The following TRPM1 variants were observed in gnomAD, a reference collection of about 807,000 sequenced individuals.
The protein encoded by TRPM1 is TRPM1-203 APA Isoform, Intron 10.
Under a neutral mutation model 149.4 loss-of-function variants are expected in TRPM1, and 113 were observed. The ratio of observed to expected loss-of-function variants is 0.76; its 90% confidence interval spans 0.65 to 0.88. The LOEUF (loss-of-function observed/expected upper bound fraction) is 0.88. Among genes scored for constraint, TRPM1 ranks in the 40% least tolerant of loss-of-function variants. TRPM1 has a pLI of 0.00. For synonymous variants in TRPM1, 741 were observed against 759.5 expected (o/e 0.98, Z 0.40); for missense variants, 1,976 against 2,038.7 (o/e 0.97, Z 0.59).
intron 1 of TRPM1, among the ~76,000 whole-genome samples, chr15:31,082,596 A>G (rs2034890622): frequency 6.6e-6 from 1 of 152,242 alleles, no homozygotes; most frequent in Non-Finnish European, 1.5e-5. Flanking sequence ...TGTAGCCAGG[A>G]CCATGTGTCC....
At chr15:31,091,803 C>T (rs190052918) in intron 1 of TRPM1, among the ~76,000 whole-genome samples, 8 of 152,298 alleles carry the variant, frequency 5.3e-5, no homozygotes, top group Non-Finnish European at 8.8e-5. Flanking sequence ...CACAACTCAG[C>T]TTGTAAAACT....
intron 18 of TRPM1, among the ~76,000 whole-genome samples, chr15:31,038,888 G>C (rs12917026): frequency 0.074 from 11,267 of 151,940 alleles, 603 homozygotes; most frequent in Non-Finnish European, 0.1. Flanking sequence ...ACTAAGAGTT[G>C]CAAGGCTAAT....
chr15:31,081,309 G>A (rs374402868), intron 2 of TRPM1, 44 bp downstream of exon 2: 9 of 1,132,692 alleles, frequency 7.9e-6, no homozygotes, highest in African/African-American at 4.6e-5. Context: ...ACTTTCTCAG[G>A]GGGGGAGGGG....
chr15:31,031,251 C>G, intron 22 of TRPM1, 94 bp from the exon 23 acceptor site: 1 of 1,375,542 alleles, frequency 7.3e-7, no homozygotes, highest in Non-Finnish European at 1.0e-6. Flanking sequence ...AAGCACTTCA[C>G]GAGTGCTTAA....
chr15:31,003,685 CTG>C (rs1330881727), intron 27 of TRPM1, among the ~76,000 whole-genome samples: 1 of 152,092 alleles, frequency 6.6e-6, no homozygotes, highest in East Asian at 1.9e-4. Flanking sequence ...AGAAAATAAA[CTG>C]TTAATAATTA....
At chr15:31,082,538 T>C (rs1567041443) in intron 1 of TRPM1, among the ~76,000 whole-genome samples, 1 of 152,130 alleles carries the variant, frequency 6.6e-6, no homozygotes, top group Non-Finnish European at 1.5e-5. Flanking sequence ...GCAATCCTGG[T>C]CATTATCAAA....
At chr15:31,074,400 A>AT (rs1056394610) in intron 3 of TRPM1, among the ~76,000 whole-genome samples, 7 of 151,854 alleles carry the variant, frequency 4.6e-5, no homozygotes, top group African/African-American at 1.7e-4. Context: ...CAGATTGTAC[A>AT]TTTTTTCTTG....
At chr15:31,113,448 A>C (rs1467798592) in intron 1 of TRPM1, among the ~76,000 whole-genome samples, 1 of 151,228 alleles carries the variant, frequency 6.6e-6, no homozygotes, top group Non-Finnish European at 1.5e-5. Context: ...TTTTTTTCAA[A>C]ATCTCTAAGG....
In TRPM1 at chr15:31,001,756, A is replaced by G. The variant is rs994741087; in HGVS notation, c.*66T>C. 1.3e-6 allele frequency: 2 copies of G among 1,533,416 alleles called. No homozygotes were observed. The highest frequency in any genetic ancestry group is 1.4e-5 in the African/African-American group (1 of 71,702). 95.0% of individuals were successfully genotyped at this position (1,533,416 alleles called of 1,614,324 possible). A position where few individuals can be genotyped will look rare whatever the true frequency, so the allele number is the denominator to read the frequency against. ...GTTTTTAGAAATTGATGATGTTTAG[A>G]TGGCCAAGATGACACCCATTAGTGG... On this transcript the variant is annotated 3_prime_UTR_variant, in exon 28 of 28. Transcript: ENST00000256552.
chr15:31,127,283 C>T (rs2141039594), intron 1 of TRPM1, among the ~76,000 whole-genome samples: 1 of 152,304 alleles, frequency 6.6e-6, no homozygotes, highest in Middle Eastern at 3.4e-3. Context: ...CTTGGGGCCT[C>T]TTGTGGGTAG....
At chr15:31,151,928 T>C (rs2141062639) in intron 1 of TRPM1, among the ~76,000 whole-genome samples, 1 of 152,244 alleles carries the variant, frequency 6.6e-6, no homozygotes, top group East Asian at 1.9e-4. Flanking sequence ...CCGCTAAAAG[T>C]AGAGGATACA....
intron 1 of TRPM1, among the ~76,000 whole-genome samples, chr15:31,140,999 T>G (rs554833783): frequency 1.3e-5 from 2 of 151,886 alleles, no homozygotes; most frequent in South Asian, 2.1e-4. Flanking sequence ...TTTTTTTTTT[T>G]TTTTGTATTT....
At chr15:31,125,119 A>G (rs1451354725) in intron 1 of TRPM1, among the ~76,000 whole-genome samples, 1 of 152,184 alleles carries the variant, frequency 6.6e-6, no homozygotes, top group East Asian at 1.9e-4. Flanking sequence ...AGGAGGTTGC[A>G]GTGAACCAAG....
intron 1 of TRPM1, among the ~76,000 whole-genome samples, chr15:31,090,598 C>T (rs2035209020): frequency 6.6e-6 from 1 of 151,606 alleles, no homozygotes; most frequent in Non-Finnish European, 1.5e-5. Flanking sequence ...GATTGTGCCA[C>T]TGCACTCTAG....
chr15:31,030,709 A>G (rs1407617365), intron 23 of TRPM1, among the ~76,000 whole-genome samples: 2 of 152,184 alleles, frequency 1.3e-5, no homozygotes, highest in African/African-American at 4.8e-5. Context: ...AAACTAGGCT[A>G]TTGGCATTAG....
rs1401164628 is a variant in TRPM1, at chr15:31,037,825, A to G, written c.2457T>C (p.Ala819=). ...TCTCCTCATCCCCCTTTCTTGAGCC[A>G]GCATCTGCATTTGCATCCTGGAAAA... The part of the protein sequence containing the change: ...EEENTDANAD[A]GSRKGDEENE... Residue 819 remains alanine, a synonymous_variant, in exon 20 of 28, where the codon GCT becomes GCC. Coordinates refer to ENST00000256552, the MANE Select transcript of TRPM1 (RefSeq NM_001252024.2). The G allele has an allele frequency of 6.2e-7, 1 of 1,614,076 alleles. No homozygotes were observed. The highest frequency in any genetic ancestry group is 8.5e-7 in the Non-Finnish European group (1 of 1,180,028).
intron 4 of TRPM1, 160 bp downstream of exon 4, chr15:31,069,871 G>T (rs535119279): frequency 3.8e-6 from 6 of 1,586,388 alleles, no homozygotes; most frequent in Non-Finnish European, 3.4e-6. Context: ...ATGGCTAAAA[G>T]CCATGTGCAC....
rs1403269307 is a variant in TRPM1, at chr15:31,002,097, C to T, written c.4603G>A (p.Glu1535Lys). The T allele has an allele frequency of 6.2e-7, 1 of 1,614,118 alleles. No individual in the cohort carries two copies. The highest frequency in any genetic ancestry group is 8.5e-7 in the Non-Finnish European group (1 of 1,180,042). ...AAGCGAGGGATTCGAGGAATTGCTT[C>T]AGCGACATGGTGTTCATCTTGCATA... ...ADMQDEHHVAEAIPRIPRLSL... is the reference protein window; with the variant it reads ...ADMQDEHHVAKAIPRIPRLSL... Residue 1535 changes from glutamate (E) to lysine (K), a missense_variant, in exon 28 of 28, where the codon GAA becomes AAA. Glu to Lys is a moderately conservative substitution (Grantham distance 56). This residue lies in a region of TRPM1 where 572 missense variants were observed against 578.9 expected (regional missense o/e 0.99). Coordinates refer to ENST00000256552, the MANE Select transcript of TRPM1 (RefSeq NM_001252024.2).
At chr15:31,160,136 C>T (rs535340863) in intron 1 of TRPM1, among the ~76,000 whole-genome samples, 1 of 152,316 alleles carries the variant, frequency 6.6e-6, no homozygotes, top group African/African-American at 2.4e-5. Flanking sequence ...TTGCCTCCCA[C>T]TGCATGCGAG....
Sources: allele counts gnomAD v4.1 joint callset (sites outside exome capture counted in the v4.1 genomes callset), GRCh38; gene constraint gnomAD v4.1.1; regional missense constraint gnomAD v4.1.1; transcripts MANE v1.5; gene names NCBI Gene and HGNC (gene_info 2026-07-23, HGNC 2026-07-21).